The following KDR variants were observed in gnomAD, a reference collection of about 807,000 sequenced individuals.
The protein encoded by KDR is vascular endothelial growth factor receptor 2.
KDR carries 43 observed loss-of-function variants against 160.9 expected under a neutral mutation model. That is an observed-to-expected ratio of 0.27 (90% CI 0.21 to 0.34). The LOEUF (loss-of-function observed/expected upper bound fraction) is 0.34, where lower values mean the gene tolerates loss of function less well. Ranked by LOEUF, KDR falls within the 10% of genes least tolerant of loss-of-function variation. The pLI, the probability that KDR is intolerant of heterozygous loss-of-function variation, is 1.00. For missense variants in KDR, 1,469 were observed against 1,666.4 expected, an observed-to-expected ratio of 0.88 and a Z score of 2.06; for synonymous variants, 617 against 600.1, an observed-to-expected ratio of 1.03 and a Z score of -0.41.
At chr4:55,124,393 T>G (rs1213648998) in intron 1 of KDR, among the ~76,000 whole-genome samples, 1 of 152,078 alleles carries the variant, frequency 6.6e-6, no homozygotes, top group African/African-American at 2.4e-5. Flanking sequence ...TGTTCCTAAT[T>G]GAAGGAGACG....
At chr4:55,089,039 T>TA (rs1719940918) in intron 25 of KDR, 66 bp from the exon 26 acceptor site, 2 of 1,130,166 alleles carry the variant, frequency 1.8e-6, no homozygotes, top group Non-Finnish European at 2.7e-6. Flanking sequence ...AATAAGCACT[T>TA]AAATGAGTAC....
At chr4:55,111,207 C>T (rs1720574469) in intron 7 of KDR, among the ~76,000 whole-genome samples, 1 of 152,172 alleles carries the variant, frequency 6.6e-6, no homozygotes. Flanking sequence ...AAGTATCATT[C>T]ACGTACCTCC....
intron 27 of KDR, among the ~76,000 whole-genome samples, chr4:55,085,280 CCA>C (rs1719834051): frequency 1.3e-5 from 2 of 152,262 alleles, no homozygotes; most frequent in Admixed American, 6.5e-5. Flanking sequence ...GGTCCCTCCC[CCA>C]CACACTTCTC....
rs201755957 is a variant in KDR at position 55,110,521 on chromosome 4, C to T, written c.1137G>A (p.Ala379=). The change falls in exon 9 of 30, where the codon GCG becomes GCA. Residue 379 remains alanine, a synonymous_variant. Transcript: ENST00000263923. The part of the protein sequence containing the change: ...IPLESNHTIK[A]GHVLTIMEVS... ...CTTCCATAATCGTCAGTACATGCCC[C>T]GCTTTAATTGTGTGATTGGACTCAA... 125 of 1,613,734 alleles carry T rather than the reference C, an allele frequency of 7.7e-5. No individual in the cohort carries two copies. Among genetic ancestry groups the T allele is most frequent in the South Asian group, 1.3e-4 (12 of 91,074 alleles).
chr4:55,113,459 T>G lies in KDR; in HGVS notation c.821A>C (p.Asn274Thr). The G allele has an allele frequency of 6.2e-7, 1 of 1,613,946 alleles. No homozygotes were observed. ...SSKHQHKKLV[N>T]RDLKTQSGSE... ...CCCAGACTGGGTTTTTAGGTCTCGG[T>G]TTACAAGTTTCTTATGCTGATGCTG... Residue 274 changes from asparagine to threonine, a missense_variant, in exon 7 of 30, where the codon AAC (asparagine) becomes ACC (threonine). Around this residue, in one of 7 missense-constraint regions of KDR, gnomAD observed 792 missense variants for 840.9 expected, o/e 0.94. Coordinates refer to ENST00000263923, the MANE Select transcript of KDR (RefSeq NM_002253.4).
chr4:55,114,083 T>C, intron 6 of KDR, 43 bp downstream of exon 6: 3 of 1,611,968 alleles, frequency 1.9e-6, no homozygotes, highest in Non-Finnish European at 2.5e-6. Flanking sequence ...TGGGGCTTAT[T>C]ATCTAAGTAT....
At chr4:55,122,841 C>A (rs1720927101) in intron 1 of KDR, 1 of 151,986 alleles carries the variant, frequency 6.6e-6, no homozygotes. Flanking sequence ...AATTATCCTA[C>A]CACAGATGGT....
chr4:55,120,007 G>A (rs1720827539), intron 2 of KDR, among the ~76,000 whole-genome samples: 1 of 152,140 alleles, frequency 6.6e-6, no homozygotes, highest in African/African-American at 2.4e-5. Flanking sequence ...GGGAGCATGG[G>A]ATCCTTGGGG....
intron 27 of KDR, 117 bp from the exon 28 acceptor site, chr4:55,082,752 AAAAAC>A (rs1719768569): frequency 4.0e-6 from 3 of 751,124 alleles, no homozygotes; most frequent in Non-Finnish European, 6.9e-6. Flanking sequence ...CATCCTTTAG[AAAAAC>A]AAAACAAAAT....
intron 7 of KDR, among the ~76,000 whole-genome samples, chr4:55,112,521 T>C (rs1720618145): frequency 7.4e-6 from 1 of 136,028 alleles, no homozygotes; most frequent in Non-Finnish European, 1.6e-5. Context: ...AGTTATACCT[T>C]GATTTTTTTT....
intron 27 of KDR, among the ~76,000 whole-genome samples, chr4:55,087,163 C>T (rs17085257): frequency 0.3 from 45,260 of 152,074 alleles, 7,814 homozygotes; most frequent in East Asian, 0.49. Flanking sequence ...CGGACACAGA[C>T]CCATGGCTTT....
At chr4:55,086,385 C>G (rs1054290111) in intron 27 of KDR, among the ~76,000 whole-genome samples, 1 of 152,008 alleles carries the variant, frequency 6.6e-6, no homozygotes, top group Non-Finnish European at 1.5e-5. Flanking sequence ...GATGATTTGC[C>G]CCAAGTTGCA....
At chr4:55,110,800 C>T (rs1478660013) in intron 7 of KDR, 32 bp from the exon 8 acceptor site, 1 of 1,409,350 alleles carries the variant, frequency 7.1e-7, no homozygotes, top group Non-Finnish European at 1.0e-6. Context: ...AAAAGGTCAA[C>T]TTACTGTAAA....
rs1174279988 is a variant in KDR, at chr4:55,089,768, G to A, written c.3227C>T (p.Thr1076Ile). 4 of 1,614,068 alleles carry A rather than the reference G, an allele frequency of 2.5e-6. No individual in the cohort carries two copies. The highest frequency in any genetic ancestry group is 3.4e-6 in the Non-Finnish European group (4 of 1,179,992). ...GATTGTGTACACTCTGTCAAAAATTGTTTCTGGGGCCATCCATTTCAAAGG... is the reference window on the plus strand; with the variant it reads ...GATTGTGTACACTCTGTCAAAAATTATTTCTGGGGCCATCCATTTCAAAGG... ...RLPLKWMAPETIFDRVYTIQS... is the reference protein window; with the variant it reads ...RLPLKWMAPEIIFDRVYTIQS... Residue 1076 changes from threonine (T) to isoleucine (I), a missense_variant, in exon 24 of 30, where the codon ACA (threonine) becomes ATA (isoleucine). By Grantham distance (89) the Thr-to-Ile change is moderately conservative. This residue lies in a region of KDR where 132 missense variants were observed against 195.9 expected (regional missense o/e 0.67). Transcript: ENST00000263923.
chr4:55,116,401 G>A (rs1416464817), intron 3 of KDR, among the ~76,000 whole-genome samples: 13 of 127,562 alleles, frequency 1.0e-4, no homozygotes, highest in African/African-American at 3.2e-4. Context: ...TGGGCAACAA[G>A]AGCAAAACTC....
chr4:55,080,165 T>G lies in KDR; in HGVS notation c.3849-2A>C. On this transcript the variant is annotated splice_acceptor_variant, in intron 29 of 29. Coordinates refer to ENST00000263923, the MANE Select transcript of KDR (RefSeq NM_002253.4). LOFTEE classifies it high-confidence loss of function. ...CTGCTTTTGCTGGGCACCATTCCAC[T>G]GCAGAAGAAATGGCAAACAAAGGAG... 6.2e-7 allele frequency: 1 copy of G among 1,612,568 alleles called. No homozygotes were observed. Among genetic ancestry groups the G allele is most frequent in the Non-Finnish European group, 8.5e-7 (1 of 1,179,620 alleles).
At chr4:55,123,631 G>A (rs1238716598) in intron 1 of KDR, among the ~76,000 whole-genome samples, 1 of 152,154 alleles carries the variant, frequency 6.6e-6, no homozygotes, top group Non-Finnish European at 1.5e-5. Flanking sequence ...TCCATTAAAT[G>A]TCATTCGTTT....
intron 27 of KDR, among the ~76,000 whole-genome samples, chr4:55,084,459 G>A (rs924484120): frequency 6.6e-6 from 1 of 152,160 alleles, no homozygotes; most frequent in Middle Eastern, 3.2e-3. Context: ...GCCTTAGAAA[G>A]GACAGCTCCT....
Position 55,110,780 on chromosome 4 carries a change from T to TAAAAAA in KDR, c.977-18_977-13dup. 1 of 1,371,038 alleles carries TAAAAAA rather than the reference T, an allele frequency of 7.3e-7. No homozygotes were observed. The highest frequency in any genetic ancestry group is 1.0e-6 in the Non-Finnish European group (1 of 987,484). The allele number at this position is 1,371,038 out of a possible 1,614,324, so 84.9% of individuals were successfully genotyped here. ...AACAAAAGGTTTTTCTGGAAGAAAATAAAAAAAAAAAAAGGTCAACTTACT... is the reference window on the plus strand; with the variant it reads ...AACAAAAGGTTTTTCTGGAAGAAAATAAAAAAAAAAAAAAAAAAAGGTCAACTTACT... On this transcript the variant is annotated splice_polypyrimidine_tract_variant and intron_variant, in intron 7 of 29. Coordinates refer to ENST00000263923, the MANE Select transcript of KDR (RefSeq NM_002253.4).
Sources: gnomAD v4.1 joint callset for allele counts (sites outside exome capture counted in the v4.1 genomes callset) on GRCh38, gnomAD v4.1.1 for gene constraint, gnomAD v4.1.1 regional missense constraint, MANE v1.5 for transcripts, NCBI Gene and HGNC (gene_info 2026-07-23, HGNC 2026-07-21) for gene names.